THSD7A: variants seen among roughly 807,000 people sequenced by gnomAD.
THSD7A encodes the protein thrombospondin type 1 domain containing 7A.
Under a neutral mutation model 231.3 loss-of-function variants are expected in THSD7A, and 96 were observed. That is an observed-to-expected ratio of 0.41 (90% CI 0.35 to 0.49). The LOEUF (loss-of-function observed/expected upper bound fraction) is 0.49. Among genes scored for constraint, THSD7A ranks in the 20% least tolerant of loss-of-function variants. The pLI is 0.05. For synonymous variants in THSD7A, 940 were observed against 743.3 expected, an observed-to-expected ratio of 1.26 and a Z score of -4.30; for missense variants, 2,290 against 2,070.2, an observed-to-expected ratio of 1.11 and a Z score of -2.06.
chr7:11,562,482 A>T (rs1382450831), intron 4 of THSD7A, among the ~76,000 whole-genome samples: 1 of 151,380 alleles, frequency 6.6e-6, no homozygotes, highest in African/African-American at 2.4e-5. Context: ...CCTGATACGT[A>T]TTTTTTTTTC....
chr7:11,784,179 T>C (rs1292559897), intron 1 of THSD7A, among the ~76,000 whole-genome samples: 1 of 151,938 alleles, frequency 6.6e-6, no homozygotes, highest in Non-Finnish European at 1.5e-5. Flanking sequence ...ACCATATATA[T>C]GTATGTTTAT....
intron 2 of THSD7A, among the ~76,000 whole-genome samples, chr7:11,598,023 G>A (rs981811558): frequency 5.9e-5 from 9 of 152,188 alleles, no homozygotes; most frequent in Admixed American, 2.6e-4. Flanking sequence ...CCACCTGAAC[G>A]TGGACAGCTG....
intron 1 of THSD7A, among the ~76,000 whole-genome samples, chr7:11,706,702 T>C (rs1780781296): frequency 6.9e-6 from 1 of 145,356 alleles, no homozygotes. Flanking sequence ...TCTTAAATCA[T>C]GGTATATCCA....
At chr7:11,828,185 T>C (rs568861173) in intron 1 of THSD7A, among the ~76,000 whole-genome samples, 30 of 152,334 alleles carry the variant, frequency 2.0e-4, no homozygotes, top group African/African-American at 7.2e-4. Flanking sequence ...TAAAGTCCAA[T>C]ATCTTACCAT....
chr7:11,469,993 A>G lies in THSD7A; in HGVS notation c.2254T>C (p.Cys752Arg). Residue 752 changes from cysteine (C) to arginine (R), a missense_variant and splice_region_variant, in exon 9 of 28, where the codon TGT becomes CGT. Transcript: ENST00000423059. Reference protein sequence around the residue: ...VNVGQVGPKKCPESLRPETVR... With the variant: ...VNVGQVGPKKRPESLRPETVR... The stretch of plus-strand genomic sequence containing the variant: ...GTTTCAGGTCGAAGGCTTTCAGGAC[A>G]TCTAGAAAGGCAAAGGGGAATTATT... 1 of 1,571,440 alleles carries G rather than the reference A, an allele frequency of 6.4e-7. No individual in the cohort carries two copies. Among genetic ancestry groups the G allele is most frequent in the East Asian group, 2.3e-5 (1 of 43,726 alleles).
Position 11,377,827 on chromosome 7 carries a change from TATATATAAAATTTAAA to T in THSD7A, c.4802-1186_4802-1171del, listed in dbSNP as rs1490854125. 6.6e-6 allele frequency: 1 copy of T among 152,064 alleles called. No homozygotes were observed. Among genetic ancestry groups the T allele is most frequent in the Non-Finnish European group, 1.5e-5 (1 of 68,002 alleles). The allele number at this position is 152,064 out of a possible 1,614,324, so 9.4% of individuals were successfully genotyped here. On this transcript the variant is annotated intron_variant, in intron 26 of 27. Transcript: ENST00000423059. This position sits in a 1 kb window ranked among gnomAD's most constrained non-coding sequence, Gnocchi z 4.5. ...TTTAAAATTTTAACTTTGGGGAAAC[TATATATAAAATTTAAA>T]ATAATGACAATAATATTCTTTTTTT...
intron 1 of THSD7A, among the ~76,000 whole-genome samples, chr7:11,703,960 C>T (rs1043094685): frequency 1.3e-5 from 2 of 151,132 alleles, no homozygotes; most frequent in Non-Finnish European, 3.0e-5. Flanking sequence ...TGGCAACAGA[C>T]ACAGACTTGA....
At chr7:11,740,799 G>A (rs1408407805) in intron 1 of THSD7A, among the ~76,000 whole-genome samples, 1 of 151,902 alleles carries the variant, frequency 6.6e-6, no homozygotes, top group African/African-American at 2.4e-5. Flanking sequence ...TTCAGCATCT[G>A]CTTCTCTCCC....
rs1782153201 is a variant in THSD7A, at chr7:11,373,752, G to C, written c.*2042C>G. ...AACAGCAGGGGGAGTTCATACTCCAGTATGAAGGTAAAAATACCTTCTAAT... is the reference window on the plus strand; with the variant it reads ...AACAGCAGGGGGAGTTCATACTCCACTATGAAGGTAAAAATACCTTCTAAT... On this transcript the variant is annotated 3_prime_UTR_variant, in exon 28 of 28. Coordinates refer to ENST00000423059, the MANE Select transcript of THSD7A (RefSeq NM_015204.3). The C allele has an allele frequency of 6.6e-6, 1 of 152,034 alleles. No homozygotes were observed. The highest frequency in any genetic ancestry group is 2.1e-4 in the South Asian group (1 of 4,826). The allele number at this position is 152,034 out of a possible 1,614,324, so 9.4% of individuals were successfully genotyped here.
intron 2 of THSD7A, among the ~76,000 whole-genome samples, chr7:11,613,571 G>A (rs773832640): frequency 6.6e-6 from 1 of 152,100 alleles, no homozygotes; most frequent in African/African-American, 2.4e-5. Context: ...TCATTTCAGT[G>A]TTCGTTCATG....
At chr7:11,570,871 C>T (rs1019354687) in intron 4 of THSD7A, among the ~76,000 whole-genome samples, 6 of 152,122 alleles carry the variant, frequency 3.9e-5, no homozygotes, top group African/African-American at 1.4e-4. Context: ...GAAAAGAACT[C>T]TTGAGAGGAT....
chr7:11,777,548 C>T (rs1375851600), intron 1 of THSD7A, among the ~76,000 whole-genome samples: 1 of 152,048 alleles, frequency 6.6e-6, no homozygotes, highest in Non-Finnish European at 1.5e-5. Context: ...CCCATGTGGA[C>T]ATATCATCTC....
chr7:11,671,959 T>G (rs1449093206), intron 1 of THSD7A, among the ~76,000 whole-genome samples: 2 of 152,202 alleles, frequency 1.3e-5, no homozygotes, highest in Non-Finnish European at 2.9e-5. Context: ...TTTTGTTCTC[T>G]TAGCTTCATT....
chr7:11,512,526 A>G (rs1787854845), intron 6 of THSD7A, among the ~76,000 whole-genome samples: 1 of 152,122 alleles, frequency 6.6e-6, no homozygotes, highest in Admixed American at 6.5e-5. Context: ...CAGACTTGGA[A>G]CCAACCCAAA....
chr7:11,619,467 G>A (rs867283228), intron 2 of THSD7A, among the ~76,000 whole-genome samples: 4 of 149,992 alleles, frequency 2.7e-5, no homozygotes, highest in African/African-American at 7.4e-5. Flanking sequence ...GGACTCCTGC[G>A]GTGGAATCAT....
At chr7:11,526,009 G>A (rs1788460357) in intron 6 of THSD7A, among the ~76,000 whole-genome samples, 1 of 152,178 alleles carries the variant, frequency 6.6e-6, no homozygotes, top group Non-Finnish European at 1.5e-5. Context: ...TTAGTCTAAA[G>A]AAAGAGAGCA....
intron 1 of THSD7A, among the ~76,000 whole-genome samples, chr7:11,658,519 G>T (rs539683715): frequency 4.0e-5 from 6 of 151,586 alleles, no homozygotes; most frequent in Admixed American, 2.0e-4. Flanking sequence ...CTCTCTGAGG[G>T]TGTGTTACAT....
intron 18 of THSD7A, among the ~76,000 whole-genome samples, chr7:11,412,373 T>G (rs1350516722): frequency 6.6e-6 from 1 of 152,172 alleles, no homozygotes; most frequent in East Asian, 1.9e-4. Flanking sequence ...TAGATTCACC[T>G]TCCCGAAGTG....
At chr7:11,749,953 CT>C (rs1782444098) in intron 1 of THSD7A, among the ~76,000 whole-genome samples, 1 of 151,518 alleles carries the variant, frequency 6.6e-6, no homozygotes, top group African/African-American at 2.4e-5. Context: ...AAACAGATAG[CT>C]GTAGTAGTGG....
Sources: gnomAD v4.1 joint callset for allele counts (sites outside exome capture counted in the v4.1 genomes callset) on GRCh38, gnomAD v4.1.1 for gene constraint, Gnocchi (gnomAD v3.1) non-coding constraint, MANE v1.5 for transcripts, NCBI Gene and HGNC (gene_info 2026-07-23, HGNC 2026-07-21) for gene names.